The following MTUS1 variants were observed in gnomAD, a reference collection of about 807,000 sequenced individuals.
The protein encoded by MTUS1 is microtubule associated scaffold protein 1.
In MTUS1, 109 loss-of-function variants were observed where a neutral mutation model predicts 120.8. The observed-to-expected ratio is 0.90, with a 90% CI of 0.77 to 1.06. The LOEUF (loss-of-function observed/expected upper bound fraction) is 1.06, where lower values mean the gene tolerates loss of function less well. Among genes scored for constraint, MTUS1 ranks in the 50% least tolerant of loss-of-function variants. The probability of loss-of-function intolerance (pLI) is 0.00; values close to 1 mark genes in which losing one functional copy is unlikely to be tolerated. For synonymous variants in MTUS1, 737 were observed against 550.5 expected, an observed-to-expected ratio of 1.34 and a Z score of -4.74; for missense variants, 2,210 against 1,486.3, an observed-to-expected ratio of 1.49 and a Z score of -8.01.
At chr8:17,699,381 A>G (rs1818584500) in intron 6 of MTUS1, among the ~76,000 whole-genome samples, 1 of 151,934 alleles carries the variant, frequency 6.6e-6, no homozygotes. Context: ...TGCCTGGCTA[A>G]TTTTTGTATT....
At chr8:17,775,435 T>G (rs1473524637) in intron 1 of MTUS1, among the ~76,000 whole-genome samples, 2 of 152,006 alleles carry the variant, frequency 1.3e-5, no homozygotes, top group Middle Eastern at 3.2e-3. Context: ...CCTCAAATGC[T>G]AAATCCTCAA....
At chr8:17,756,885 C>T (rs1352142852) in intron 1 of MTUS1, among the ~76,000 whole-genome samples, 1 of 152,122 alleles carries the variant, frequency 6.6e-6, no homozygotes, top group African/African-American at 2.4e-5. Context: ...CACCAAAAAC[C>T]AAACCCTGAA....
chr8:17,708,009 T>C (rs187235607), intron 6 of MTUS1, among the ~76,000 whole-genome samples: 6 of 152,218 alleles, frequency 3.9e-5, no homozygotes, highest in African/African-American at 1.2e-4. Flanking sequence ...AAAACTTAAA[T>C]GAAAACACAG....
At chr8:17,646,171 T>C (rs1805746574) in intron 14 of MTUS1, 32 bp from the exon 15 acceptor site, 1 of 1,509,346 alleles carries the variant, frequency 6.6e-7, no homozygotes, top group Non-Finnish European at 8.8e-7. Context: ...CCATGAGATC[T>C]ATGTAAAAAA....
At chr8:17,667,001 C>A (rs567274066) in intron 8 of MTUS1, among the ~76,000 whole-genome samples, 42 of 152,268 alleles carry the variant, frequency 2.8e-4, no homozygotes, top group African/African-American at 9.4e-4. Context: ...TTGGGAGCCA[C>A]TATTCTACAC....
rs918713836 is a variant in MTUS1, at chr8:17,755,514, A to G, written c.294T>C (p.His98=). 6.2e-7 allele frequency: 1 copy of G among 1,614,202 alleles called. No individual in the cohort carries two copies. The highest frequency in any genetic ancestry group is 1.3e-5 in the African/African-American group (1 of 75,056). Residue 98 remains histidine (H), a synonymous_variant, in exon 2 of 15, where the codon CAT becomes CAC. Coordinates refer to ENST00000693296, the MANE Select transcript of MTUS1 (RefSeq NM_001363059.2). ...CAGGACACTGACAAATAGAATCTTT[A>G]TGCATATCTAACACCTGCTTACTAA... ...DFISKQVLDM[H]KDSICQCPAL...
At chr8:17,726,935 A>G (rs536272043) in intron 3 of MTUS1, among the ~76,000 whole-genome samples, 1 of 152,294 alleles carries the variant, frequency 6.6e-6, no homozygotes, top group Admixed American at 6.5e-5. Flanking sequence ...CATGCCTCAT[A>G]GCTTTGTTTC....
rs1345914421 is a variant in MTUS1, at chr8:17,647,751, G to T, written c.3502-672C>A. ...AAACTGATCAGCGGAGAGATGAAAG[G>T]ATAAGATGCCTGAGGACATTTAATC... On this transcript the variant is annotated intron_variant, in intron 13 of 14. Transcript: ENST00000693296. Among the ~76,000 whole-genome samples the T allele has an allele frequency of 2.0e-5, 3 of 152,174 alleles. No individual in the cohort carries two copies. The South Asian group carries it at 6.2e-4, about 32-fold the overall frequency.
intron 4 of MTUS1, chr8:17,721,587 C>T: frequency 8.3e-7 from 1 of 1,199,038 alleles, no homozygotes; most frequent in Non-Finnish European, 1.1e-6. Flanking sequence ...CAAAATGCCC[C>T]CAAATACTAC....
intron 1 of MTUS1, among the ~76,000 whole-genome samples, chr8:17,769,178 C>G (rs2049811908): frequency 1.3e-5 from 2 of 150,864 alleles, no homozygotes; most frequent in Non-Finnish European, 2.9e-5. Flanking sequence ...CACTGACCTG[C>G]TAAGGTTCAA....
At chr8:17,748,582 C>T (rs897820643) in intron 2 of MTUS1, among the ~76,000 whole-genome samples, 1 of 152,202 alleles carries the variant, frequency 6.6e-6, no homozygotes, top group African/African-American at 2.4e-5. Context: ...CTGTAGCATG[C>T]CCTCTGGGGC....
intron 1 of MTUS1, among the ~76,000 whole-genome samples, chr8:17,774,937 C>T (rs1313137369): frequency 4.4e-5 from 6 of 137,116 alleles, no homozygotes; most frequent in African/African-American, 1.4e-4. Flanking sequence ...CTGTTACATG[C>T]TGCAACATGG....
chr8:17,798,417 C>T lies in MTUS1; in HGVS notation c.-155+2644G>A, dbSNP rs527539915. 3.9e-4 allele frequency among the ~76,000 whole-genome samples: 60 copies of T among 152,154 alleles called. 1 individual carries two copies. Among genetic ancestry groups the T allele is most frequent in the Admixed American group, 2.0e-3 (31 of 15,284 alleles). ...GAGTGATCTCGGCTCACTGCAACCT[C>T]CACCTCCCGGGTTCAAGCGCTTCTC... On this transcript the variant is annotated intron_variant, in intron 1 of 14. Transcript: ENST00000693296.
chr8:17,670,036 T>C (rs1460817595), intron 8 of MTUS1, among the ~76,000 whole-genome samples: 2 of 152,108 alleles, frequency 1.3e-5, no homozygotes, highest in Admixed American at 1.3e-4. Context: ...TGAGCAGGGA[T>C]GGATCCAAGT....
At chr8:17,682,597 G>C (rs1184187209) in intron 7 of MTUS1, among the ~76,000 whole-genome samples, 1 of 151,830 alleles carries the variant, frequency 6.6e-6, no homozygotes, top group African/African-American at 2.4e-5. Flanking sequence ...GGCATGAATG[G>C]GGACAGCAAA....
chr8:17,748,163 T>C (rs1176760817), intron 2 of MTUS1: 1 of 152,164 alleles, frequency 6.6e-6, no homozygotes, highest in African/African-American at 2.4e-5. Context: ...CGCCTGATCT[T>C]TGAAGCTAAG....
At position 17,755,446 on chromosome 8, in the gene MTUS1, C is replaced by A. The variant is rs767098790; in HGVS notation, c.362G>T (p.Cys121Phe). The change falls in exon 2 of 15, where the codon TGT becomes TTT. Residue 121 changes from cysteine to phenylalanine, a missense_variant. Transcript: ENST00000693296. ...GCCCTCAACTGCTTCTAGGGAATGA[C>A]AACTGTGTTGCAGATATTTGGGCTT... is the stretch of plus-strand genomic sequence containing the variant. ...TEKPKYLQHSCHSLEAVEGQS... is the reference protein window; with the variant it reads ...TEKPKYLQHSFHSLEAVEGQS... 12 of 1,614,086 alleles carry A rather than the reference C, an allele frequency of 7.4e-6. No homozygotes were observed. The highest frequency in any genetic ancestry group is 9.3e-6 in the Non-Finnish European group (11 of 1,180,032).
At chr8:17,683,803 G>T (rs755877700) in intron 7 of MTUS1, among the ~76,000 whole-genome samples, 6 of 152,108 alleles carry the variant, frequency 3.9e-5, no homozygotes, top group Non-Finnish European at 7.3e-5. Context: ...AGAATATTAG[G>T]GAAAAGTAAC....
At chr8:17,783,633 T>C (rs2051067742) in intron 1 of MTUS1, among the ~76,000 whole-genome samples, 1 of 152,158 alleles carries the variant, frequency 6.6e-6, no homozygotes, top group East Asian at 1.9e-4. Context: ...GGCTACTGTG[T>C]TCAACTCAGC....
Sources: allele counts gnomAD v4.1 joint callset (sites outside exome capture counted in the v4.1 genomes callset), GRCh38; gene constraint gnomAD v4.1.1; transcripts MANE v1.5; gene names NCBI Gene and HGNC (gene_info 2026-07-23, HGNC 2026-07-21).